The following LCOR variants were observed in gnomAD, a reference collection of about 807,000 sequenced individuals.
The protein encoded by LCOR is ligand-dependent corepressor.
A neutral mutation model predicts 64.4 loss-of-function variants in LCOR; 14 were observed. That is an observed-to-expected ratio of 0.22 (90% CI 0.14 to 0.34). The LOEUF (loss-of-function observed/expected upper bound fraction) is 0.34. Ranked by LOEUF, LCOR falls within the 10% of genes least tolerant of loss-of-function variation. LCOR has a pLI of 1.00. For synonymous variants in LCOR, 643 were observed against 642.5 expected (o/e 1.00, Z -0.01); for missense variants, 1,686 against 1,765.3 (o/e 0.96, Z 0.80).
chr10:96,985,040 A>G lies in LCOR; in HGVS notation c.4580A>G (p.Lys1527Arg). 1.9e-6 allele frequency: 3 copies of G among 1,614,222 alleles called. No homozygotes were observed. Among genetic ancestry groups the G allele is most frequent in the Non-Finnish European group, 2.5e-6 (3 of 1,180,034 alleles). Residue 1527 changes from lysine (K) to arginine (R), a missense_variant, in exon 8 of 8, where the codon AAA (lysine) becomes AGA (arginine). By Grantham distance (26) the Lys-to-Arg change is conservative. Coordinates refer to ENST00000421806, the MANE Select transcript of LCOR (RefSeq NM_001346516.2). ...AAGACTCGGGCCAGACCCTCAACGAAAACCCCAGAGAGCAGTGCAGCTCAG... is the reference window on the plus strand; with the variant it reads ...AAGACTCGGGCCAGACCCTCAACGAGAACCCCAGAGAGCAGTGCAGCTCAG... Reference protein sequence around the residue: ...SGKTRARPSTKTPESSAAQRK... With the variant: ...SGKTRARPSTRTPESSAAQRK...
rs141679424 is a variant in LCOR at position 96,843,011 on chromosome 10, C to G, written c.-330+9532C>G. On this transcript the variant is annotated intron_variant, in intron 2 of 7. Coordinates refer to ENST00000421806, the MANE Select transcript of LCOR (RefSeq NM_001346516.2). ...GTTGAATTTGTTAAATTGAGTCATGCACAGATTCAGTTTGATGATCTCTTG... is the reference window on the plus strand; with the variant it reads ...GTTGAATTTGTTAAATTGAGTCATGGACAGATTCAGTTTGATGATCTCTTG... Among the ~76,000 whole-genome samples, 182 of 152,298 alleles carry G rather than the reference C, an allele frequency of 1.2e-3. 1 individual carries two copies. The highest frequency in any genetic ancestry group is 4.0e-3 in the African/African-American group (168 of 41,566).
At position 96,837,279 on chromosome 10, in the gene LCOR, T is replaced by C. The variant is rs369098304; in HGVS notation, c.-330+3800T>C. Reference sequence around the variant, plus strand: ...TGCTGGGATTACAGGCATGAGCCACTGCGTCCCTCTATGTATGCCCAGGCT... The same window carrying C: ...TGCTGGGATTACAGGCATGAGCCACCGCGTCCCTCTATGTATGCCCAGGCT... On this transcript the variant is annotated intron_variant, in intron 2 of 7. Transcript: ENST00000421806. Among the ~76,000 whole-genome samples, 287 of 148,938 alleles carry C rather than the reference T, an allele frequency of 1.9e-3. 7 individuals are homozygous for C. The highest frequency in any genetic ancestry group is 9.7e-4 in the Non-Finnish European group (65 of 67,164).
rs1351671837 is a variant in LCOR, at chr10:96,991,220, T to C, written c.*6086T>C. On this transcript the variant is annotated 3_prime_UTR_variant, in exon 8 of 8. Coordinates refer to ENST00000421806, the MANE Select transcript of LCOR (RefSeq NM_001346516.2). ...ACAGTCCAGCAATTCTTTTAGATTT[T>C]AGAGTGTCTTGCCTGTTCATCTCAG... 6.6e-6 allele frequency: 1 copy of C among 152,172 alleles called. No homozygotes were observed. The highest frequency in any genetic ancestry group is 1.5e-5 in the Non-Finnish European group (1 of 68,034). 9.4% of individuals were successfully genotyped at this position (152,172 alleles called of 1,614,324 possible). A position where few individuals can be genotyped will look rare whatever the true frequency, so the allele number is the denominator to read the frequency against.
intron 4 of LCOR, among the ~76,000 whole-genome samples, chr10:96,917,925 G>A (rs1436087432): frequency 6.6e-6 from 1 of 152,152 alleles, no homozygotes; most frequent in Non-Finnish European, 1.5e-5. Context: ...GCAGTGGCCA[G>A]TTTTATGAGG....
At chr10:96,903,453 G>A (rs150759963) in intron 2 of LCOR, among the ~76,000 whole-genome samples, 142 of 152,156 alleles carry the variant, frequency 9.3e-4, no homozygotes, top group African/African-American at 3.2e-3. Flanking sequence ...CTCAGTACAA[G>A]CTTGCATACA....
intron 2 of LCOR, among the ~76,000 whole-genome samples, chr10:96,860,754 T>G (rs1845875101): frequency 6.6e-6 from 1 of 152,224 alleles, no homozygotes; most frequent in Non-Finnish European, 1.5e-5. Flanking sequence ...TTATGGAACT[T>G]TACATTTTAG....
At chr10:96,896,729 T>A (rs1280895497) in intron 2 of LCOR, among the ~76,000 whole-genome samples, 1 of 152,088 alleles carries the variant, frequency 6.6e-6, no homozygotes, top group Non-Finnish European at 1.5e-5. Context: ...CGGCCCAAAG[T>A]AATTTTAAAA....
chr10:96,848,827 GA>G (rs1845675557), intron 2 of LCOR, among the ~76,000 whole-genome samples: 1 of 152,018 alleles, frequency 6.6e-6, no homozygotes, highest in South Asian at 2.1e-4. Context: ...ATTCTTTCAG[GA>G]ATGGTTAGCT....
rs1346157087 is a variant in LCOR, at chr10:96,993,920, A to T, written c.*8786A>T. 1 of 151,976 alleles carries T rather than the reference A, an allele frequency of 6.6e-6. No individual in the cohort carries two copies. The highest frequency in any genetic ancestry group is 1.9e-4 in the East Asian group (1 of 5,194). 9.4% of individuals were successfully genotyped at this position (151,976 alleles called of 1,614,324 possible). A position where few individuals can be genotyped will look rare whatever the true frequency, so the allele number is the denominator to read the frequency against. ...GGGCCCACATTGGCCCTTGTCTCAG[A>T]GGATAGGGTGGGGGTAGAACAGCTC... On this transcript the variant is annotated 3_prime_UTR_variant, in exon 8 of 8. Coordinates refer to ENST00000421806, the MANE Select transcript of LCOR (RefSeq NM_001346516.2).
At chr10:96,894,122 C>T (rs937757313) in intron 2 of LCOR, among the ~76,000 whole-genome samples, 4 of 152,066 alleles carry the variant, frequency 2.6e-5, no homozygotes, top group Non-Finnish European at 5.9e-5. Flanking sequence ...AATGGAGTCT[C>T]GCTCTGTCAC....
At chr10:96,835,311 A>C (rs997635213) in intron 2 of LCOR, among the ~76,000 whole-genome samples, 1 of 152,214 alleles carries the variant, frequency 6.6e-6, no homozygotes, top group African/African-American at 2.4e-5. Flanking sequence ...CTGGTGATCA[A>C]ATTTCTTAAA....
In LCOR at chr10:96,928,899, T is replaced by TGACCA. The variant is rs1463413075; in HGVS notation, c.-183-15212_-183-15208dup. Among the ~76,000 whole-genome samples, 3 of 152,344 alleles carry TGACCA rather than the reference T, an allele frequency of 2.0e-5. No homozygotes were observed. The East Asian group carries it at 5.8e-4, about 29-fold the overall frequency. On this transcript the variant is annotated intron_variant, in intron 4 of 7. Coordinates refer to ENST00000421806, the MANE Select transcript of LCOR (RefSeq NM_001346516.2). ...GTACATCTCCATCAGAGCTCTTGAA[T>TGACCA]GACCAGGTGGATTGTCAGTGAGCAG...
intron 2 of LCOR, among the ~76,000 whole-genome samples, chr10:96,892,389 G>T (rs1287078585): frequency 2.5e-4 from 38 of 152,004 alleles, no homozygotes; most frequent in Admixed American, 2.5e-3. Flanking sequence ...GTCCACTTGG[G>T]CTGCCTAAGT....
intron 2 of LCOR, among the ~76,000 whole-genome samples, chr10:96,856,366 G>C (rs1845804567): frequency 6.6e-6 from 1 of 151,196 alleles, no homozygotes; most frequent in South Asian, 2.1e-4. Flanking sequence ...CAGCCCTAAT[G>C]GGCATTTTAA....
intron 2 of LCOR, among the ~76,000 whole-genome samples, chr10:96,835,251 C>T (rs1224247770): frequency 6.6e-6 from 1 of 152,106 alleles, no homozygotes; most frequent in African/African-American, 2.4e-5. Context: ...CTGTAAATAT[C>T]TGAATGGAAT....
chr10:96,868,184 GA>G (rs1254758635), intron 2 of LCOR, among the ~76,000 whole-genome samples: 6 of 151,766 alleles, frequency 4.0e-5, no homozygotes, highest in African/African-American at 1.2e-4. Flanking sequence ...GCACCGGGCC[GA>G]ATATATCAAT....
Position 96,946,994 on chromosome 10 carries a change from T to C in LCOR, c.-50-2014T>C, listed in dbSNP as rs149639620. 1.1e-3 allele frequency among the ~76,000 whole-genome samples: 161 copies of C among 152,252 alleles called. 1 individual carries two copies. Among genetic ancestry groups the C allele is most frequent in the African/African-American group, 3.7e-3 (155 of 41,592 alleles). ...CTAATGTACTAAAACTTGAAATTTA[T>C]ACAATAGTTCATATGGAGATTTATG... On this transcript the variant is annotated intron_variant, in intron 5 of 7. Coordinates refer to ENST00000421806, the MANE Select transcript of LCOR (RefSeq NM_001346516.2).
intron 2 of LCOR, among the ~76,000 whole-genome samples, chr10:96,873,084 G>GT (rs1466356421): frequency 6.6e-6 from 1 of 152,158 alleles, no homozygotes; most frequent in Non-Finnish European, 1.5e-5. Context: ...GGGATGGATG[G>GT]TTGGAAGGAT....
chr10:96,849,846 G>A (rs1403869024), intron 2 of LCOR, among the ~76,000 whole-genome samples: 10 of 147,512 alleles, frequency 6.8e-5, no homozygotes, highest in Admixed American at 5.5e-4. Context: ...CAAGACCTCT[G>A]TGTGTCACTC....
Sources: allele counts gnomAD v4.1 joint callset (sites outside exome capture counted in the v4.1 genomes callset), GRCh38; gene constraint gnomAD v4.1.1; transcripts MANE v1.5; gene names NCBI Gene and HGNC (gene_info 2026-07-23, HGNC 2026-07-21).